Variants in TJP2 observed in about 807,000 individuals in gnomAD.
TJP2 encodes the protein Friedreich ataxia region gene X104 (tight junction protein ZO-2).
Under a neutral mutation model 133.1 loss-of-function variants are expected in TJP2, and 91 were observed. That is an observed-to-expected ratio of 0.68 (90% CI 0.58 to 0.81). TJP2 has a LOEUF of 0.81. Ranked by LOEUF, TJP2 falls within the 40% of genes least tolerant of loss-of-function variation. TJP2 has a pLI of 0.00. For missense variants in TJP2, 1,541 were observed against 1,565.6 expected (o/e 0.98, Z 0.26); for synonymous variants, 592 against 583.4 (o/e 1.01, Z -0.21).
In TJP2 at chr9:69,228,017, G is replaced by A. The variant is rs1230523857; in HGVS notation, c.1356G>A (p.Met452Ile). 1.2e-6 allele frequency: 2 copies of A among 1,614,172 alleles called. No homozygotes were observed. The highest frequency in any genetic ancestry group is 2.2e-5 in the South Asian group (2 of 91,082). The change falls in exon 9 of 23, where the codon ATG becomes ATA. Residue 452 changes from methionine to isoleucine, a missense_variant. Transcript: ENST00000377245. The stretch of plus-strand genomic sequence containing the variant: ...ACACGCCGAGCAGATTGTCCAGGAT[G>A]GGTGCGACACCCACTCCCTTTAAGT... ...REDTPSRLSR[M>I]GATPTPFKST...
intron 2 of TJP2, among the ~76,000 whole-genome samples, chr9:69,155,808 GAGGATGTGGCAGAAGGCCTGA>G (rs1371571501): frequency 3.3e-5 from 5 of 152,228 alleles, no homozygotes; most frequent in Admixed American, 2.0e-4. Flanking sequence ...ACCCCCTTAA[GAGGATGTGGCAGAAGGCCTGA>G]AGCAGTGACT....
chr9:69,251,320 A>G lies in TJP2; in HGVS notation c.3277A>G (p.Arg1093Gly). Residue 1093 changes from arginine (R) to glycine (G), a missense_variant, in exon 21 of 23, where the codon AGG (arginine) becomes GGG (glycine). Physicochemically the swap from Arg to Gly is moderately radical, Grantham distance 125. Transcript: ENST00000377245. ...ATTTGAGAAGATGGATCACAAGGCC[A>G]GGTTACAGAGAATGCAGGAGCTCCA... ...KIFEKMDHKA[R>G]LQRMQELQEA... The G allele has an allele frequency of 6.2e-7, 1 of 1,614,202 alleles. No individual in the cohort carries two copies. The highest frequency in any genetic ancestry group is 8.5e-7 in the Non-Finnish European group (1 of 1,180,040).
chr9:69,184,875 G>A (rs185131356), intron 1 of TJP2, among the ~76,000 whole-genome samples: 1,470 of 135,122 alleles, frequency 0.011, 19 homozygotes, highest in African/African-American at 0.034. Context: ...CTCAGCCTCC[G>A]ATTAGCTGTA....
rs796917143 is a variant in TJP2, at chr9:69,182,962, AT to A, written c.60+8544del. ...CACCACCATGCCCGGCTAATTTTGT[AT>A]TTTTTTTTTTTTTAGTAGAGACAAG... On this transcript the variant is annotated intron_variant, in intron 1 of 22. Coordinates refer to ENST00000377245, the MANE Select transcript of TJP2 (RefSeq NM_004817.4). Among the ~76,000 whole-genome samples, 670 of 131,872 alleles carry A rather than the reference AT, an allele frequency of 5.1e-3. 1 individual carries two copies. The highest frequency in any genetic ancestry group is 5.0e-3 in the African/African-American group (178 of 35,716). 86.5% of individuals were successfully genotyped at this position (131,872 alleles called of 152,430 possible). A position where few individuals can be genotyped will look rare whatever the true frequency, so the allele number is the denominator to read the frequency against.
chr9:69,129,469 C>T (rs927038546), intron 1 of TJP2, among the ~76,000 whole-genome samples: 7 of 151,958 alleles, frequency 4.6e-5, no homozygotes, highest in Non-Finnish European at 7.4e-5. Context: ...TGTGATTGCA[C>T]CACTGCACTC....
intron 3 of TJP2, among the ~76,000 whole-genome samples, chr9:69,217,081 C>T (rs531765221): frequency 3.3e-5 from 5 of 151,456 alleles, no homozygotes; most frequent in African/African-American, 4.8e-5. Context: ...CATCACCTTC[C>T]GAGTTCAAGC....
intron 1 of TJP2, among the ~76,000 whole-genome samples, chr9:69,203,607 A>AGTTTTTTTT (rs1483893657): frequency 5.9e-5 from 4 of 67,856 alleles, no homozygotes; most frequent in African/African-American, 1.3e-4. Flanking sequence ...CCCAGCCTGG[A>AGTTTTTTTT]TTTTTTTTTT....
chr9:69,253,040 C>A (rs1208667346), intron 22 of TJP2, 140 bp downstream of exon 22: 2 of 737,258 alleles, frequency 2.7e-6, no homozygotes, highest in African/African-American at 1.8e-5. Flanking sequence ...CTTACTCATT[C>A]CATCAAATTT....
intron 1 of TJP2, among the ~76,000 whole-genome samples, chr9:69,175,673 G>C (rs1165643365): frequency 6.6e-6 from 1 of 152,196 alleles, no homozygotes; most frequent in Non-Finnish European, 1.5e-5. Context: ...GGGAAAGCCT[G>C]CAACTCATTA....
chr9:69,210,015 G>A, intron 1 of TJP2, among the ~76,000 whole-genome samples: 2 of 151,676 alleles, frequency 1.3e-5, no homozygotes, highest in East Asian at 3.9e-4. Context: ...GGCTGGGCAC[G>A]GTGTCTCACA....
At chr9:69,125,444 C>T (rs146113112) in intron 1 of TJP2, among the ~76,000 whole-genome samples, 15,401 of 70,578 alleles carry the variant, frequency 0.22, 6,621 homozygotes, top group Non-Finnish European at 0.34. Flanking sequence ...GCAGCTGGGA[C>T]TACAGGCATG....
intron 1 of TJP2, 27 bp from the exon 2 acceptor site, chr9:69,212,520 TC>T (rs750636693): frequency 7.8e-5 from 124 of 1,581,230 alleles, no homozygotes; most frequent in Non-Finnish European, 1.1e-4. Flanking sequence ...GTGGTTTTCA[TC>T]AGATTGGTTT....
intron 19 of TJP2, 190 bp downstream of exon 19, chr9:69,248,414 T>C: frequency 7.0e-7 from 1 of 1,434,292 alleles, no homozygotes; most frequent in East Asian, 2.5e-5. Context: ...GGCAGGCAGG[T>C]GGACTTCAGA....
At chr9:69,237,370 A>G (rs772861171) in intron 14 of TJP2, among the ~76,000 whole-genome samples, 1 of 152,196 alleles carries the variant, frequency 6.6e-6, no homozygotes, top group South Asian at 2.1e-4. Context: ...ACTGTTCAAG[A>G]GTTTCGGTAT....
rs1373363383 is a variant in TJP2 at position 69,238,728 on chromosome 9, C to T, written c.2294C>T (p.Ala765Val). 2 of 1,613,840 alleles carry T rather than the reference C, an allele frequency of 1.2e-6. No homozygotes were observed. The highest frequency in any genetic ancestry group is 1.7e-6 in the Non-Finnish European group (2 of 1,179,842). ...TTTGCAGAAACGGAACCAAAAGATG[C>T]AGGATCTGAGAAATCCACTGGAGTG... is the stretch of plus-strand genomic sequence containing the variant. ...FQTAKTEPKD[A>V]GSEKSTGVVR... The change falls in exon 16 of 23, where the codon GCA becomes GTA. Residue 765 changes from alanine (A) to valine (V), a missense_variant. Transcript: ENST00000377245.
chr9:69,219,618 CTTG>C (rs1216013068), intron 4 of TJP2, among the ~76,000 whole-genome samples: 2 of 152,022 alleles, frequency 1.3e-5, no homozygotes, highest in Admixed American at 6.6e-5. Flanking sequence ...GAGATGGGAT[CTTG>C]TTGTGTTTCC....
intron 1 of TJP2, among the ~76,000 whole-genome samples, chr9:69,194,443 CA>C (rs35970972): frequency 2.7e-4 from 40 of 150,820 alleles, no homozygotes; most frequent in African/African-American, 9.5e-4. Flanking sequence ...GTTATACTAG[CA>C]AAAAAAAGGA....
At chr9:69,173,555 T>C (rs980581725), upstream of TJP2, among the ~76,000 whole-genome samples, 5 of 152,198 alleles carry the variant, frequency 3.3e-5, no homozygotes, top group East Asian at 5.8e-4. Flanking sequence ...CTGGAATATA[T>C]TGTCCTGAAA....
intron 1 of TJP2, among the ~76,000 whole-genome samples, chr9:69,193,495 A>G (rs558784813): frequency 1.4e-5 from 2 of 140,826 alleles, no homozygotes; most frequent in South Asian, 4.9e-4. Context: ...AGAGGAGCTT[A>G]ATAACGTTTA....
Sources: allele counts gnomAD v4.1 joint callset (sites outside exome capture counted in the v4.1 genomes callset), GRCh38; gene constraint gnomAD v4.1.1; transcripts MANE v1.5; gene names NCBI Gene and HGNC (gene_info 2026-07-23, HGNC 2026-07-21).